KYNU: variants seen among roughly 807,000 people sequenced by gnomAD.
KYNU encodes the protein L-kynurenine hydrolase.
In KYNU, 54 loss-of-function variants were observed where a neutral mutation model predicts 59.2. The ratio of observed to expected loss-of-function variants is 0.91; its 90% CI spans 0.73 to 1.14. KYNU has a LOEUF of 1.14. Among genes scored for constraint, KYNU ranks in the 50% most tolerant of loss-of-function variants. The probability of loss-of-function intolerance (pLI) is 0.00; values close to 1 mark genes in which losing one functional copy is unlikely to be tolerated. For synonymous variants in KYNU, 177 were observed against 192.0 expected, an observed-to-expected ratio of 0.92 and a Z score of 0.65; for missense variants, 567 against 554.4, an observed-to-expected ratio of 1.02 and a Z score of -0.23.
chr2:142,946,842 A>G (rs1683800908), intron 4 of KYNU, among the ~76,000 whole-genome samples: 1 of 152,132 alleles, frequency 6.6e-6, no homozygotes, highest in South Asian at 2.1e-4. Flanking sequence ...CTTCCAATAG[A>G]GGACTCATTC....
At chr2:143,028,058 T>C (rs1686626131) in intron 10 of KYNU, among the ~76,000 whole-genome samples, 1 of 152,066 alleles carries the variant, frequency 6.6e-6, no homozygotes, top group African/African-American at 2.4e-5. Context: ...TTGGAATTTT[T>C]ATTTGGACAT....
intron 2 of KYNU, among the ~76,000 whole-genome samples, chr2:142,907,499 G>T (rs1344174385): frequency 6.6e-6 from 1 of 152,182 alleles, no homozygotes; most frequent in African/African-American, 2.4e-5. Context: ...GGTCTGCAAT[G>T]GTGGCAAATA....
chr2:143,022,614 G>T (rs1686441183), intron 10 of KYNU, among the ~76,000 whole-genome samples: 1 of 151,924 alleles, frequency 6.6e-6, no homozygotes, highest in Non-Finnish European at 1.5e-5. Context: ...AAAAAGTATT[G>T]ATAGAATTTC....
chr2:143,031,121 A>G (rs1225805215), intron 11 of KYNU, among the ~76,000 whole-genome samples: 1 of 152,194 alleles, frequency 6.6e-6, no homozygotes, highest in Non-Finnish European at 1.5e-5. Context: ...TGTAGCAACC[A>G]AATTGCAAAA....
At chr2:142,985,550 A>G (rs1223105617) in intron 9 of KYNU, among the ~76,000 whole-genome samples, 4 of 151,994 alleles carry the variant, frequency 2.6e-5, no homozygotes, top group Admixed American at 2.6e-4. Context: ...TAGAATTCAT[A>G]TTTGAAAACA....
chr2:142,969,329 T>C (rs914852543), intron 8 of KYNU, among the ~76,000 whole-genome samples: 7 of 152,212 alleles, frequency 4.6e-5, no homozygotes, highest in African/African-American at 1.7e-4. Context: ...TTTACACCTG[T>C]ATTTTGATGT....
chr2:142,939,602 C>CAAAAAAAAAAAAAAAAAAAAGAAAAAAAA (rs1683516240), intron 4 of KYNU, among the ~76,000 whole-genome samples: 1 of 65,106 alleles, frequency 1.5e-5, no homozygotes, highest in Non-Finnish European at 2.9e-5. Flanking sequence ...CTCCATCTCA[C>CAAAAAAAAAAAAAAAAAAAAGAAAAAAAA]AAAAAAAAAA....
intron 4 of KYNU, among the ~76,000 whole-genome samples, chr2:142,937,962 T>TA (rs1252700294): frequency 6.6e-6 from 1 of 152,248 alleles, no homozygotes; most frequent in Non-Finnish European, 1.5e-5. Flanking sequence ...ATCACCATCA[T>TA]AAATGTCCTT....
chr2:142,947,383 A>T, intron 4 of KYNU: 1 of 716,472 alleles, frequency 1.4e-6, no homozygotes, highest in South Asian at 2.2e-5. Flanking sequence ...CTTTTTAAAA[A>T]ATAGTTGAAG....
intron 12 of KYNU, among the ~76,000 whole-genome samples, chr2:143,037,510 A>G (rs1287091429): frequency 2.0e-5 from 3 of 152,206 alleles, no homozygotes; most frequent in Non-Finnish European, 2.9e-5. Flanking sequence ...GAAATGTACT[A>G]TACGTTTCCT....
At chr2:142,883,104 A>T (rs1343740289) in intron 1 of KYNU, among the ~76,000 whole-genome samples, 3 of 151,254 alleles carry the variant, frequency 2.0e-5, no homozygotes, top group Admixed American at 1.3e-4. Context: ...AATTTATATC[A>T]CATTACTTTT....
chr2:142,974,999 A>C (rs1447420860), intron 8 of KYNU, among the ~76,000 whole-genome samples: 1 of 152,150 alleles, frequency 6.6e-6, no homozygotes, highest in Non-Finnish European at 1.5e-5. Flanking sequence ...TAAAATTCTA[A>C]TGATAAAGTC....
intron 2 of KYNU, among the ~76,000 whole-genome samples, chr2:142,901,341 C>A (rs115998552): frequency 0.018 from 2,707 of 152,144 alleles, 66 homozygotes; most frequent in African/African-American, 0.063. Context: ...TGAGGTTCCC[C>A]GTTCTATTTC....
Position 143,042,056 on chromosome 2 carries a change from C to T in KYNU, c.1282C>T (p.Arg428Trp), listed in dbSNP as rs147475752. The T allele has an allele frequency of 2.9e-5, 46 of 1,611,356 alleles. No individual in the cohort carries two copies. The highest frequency in any genetic ancestry group is 1.3e-4 in the Admixed American group (8 of 59,780). Residue 428 changes from arginine to tryptophan, a missense_variant, in exon 14 of 14, where the codon CGG (arginine) becomes TGG (tryptophan). Transcript: ENST00000264170. ...TATTTTTTCCCCACAGTGTGACAAG[C>T]GGAATCCAAATGGCATTCGAGTGGC... ...LEKRGVVCDKRNPNGIRVAPV... is the reference protein window; with the variant it reads ...LEKRGVVCDKWNPNGIRVAPV...
chr2:142,992,315 G>A (rs1573879065), intron 10 of KYNU, among the ~76,000 whole-genome samples: 1 of 151,584 alleles, frequency 6.6e-6, no homozygotes, highest in East Asian at 1.9e-4. Context: ...TATCTTTAAG[G>A]TCATGCTGAG....
intron 11 of KYNU, among the ~76,000 whole-genome samples, chr2:143,032,298 A>C (rs1416083113): frequency 3.6e-5 from 3 of 84,466 alleles, no homozygotes; most frequent in African/African-American, 1.0e-4. Flanking sequence ...ACAAAAAAAA[A>C]AAACAAAACA....
intron 10 of KYNU, chr2:142,990,151 C>T (rs992879779): frequency 6.6e-6 from 1 of 151,754 alleles, no homozygotes; most frequent in Non-Finnish European, 1.5e-5. Context: ...ATGTCATATT[C>T]TAAACTCTGT....
At chr2:142,979,150 G>A (rs907465257) in intron 8 of KYNU, among the ~76,000 whole-genome samples, 1 of 152,086 alleles carries the variant, frequency 6.6e-6, no homozygotes, top group African/African-American at 2.4e-5. Context: ...AAACACACAC[G>A]ATATTTCTTG....
intron 3 of KYNU, among the ~76,000 whole-genome samples, chr2:142,922,591 C>G (rs1682920417): frequency 6.6e-6 from 1 of 152,166 alleles, no homozygotes; most frequent in Non-Finnish European, 1.5e-5. Context: ...GATGTCAAAT[C>G]TCTGTCTATC....
Sources: gnomAD v4.1 joint callset for allele counts (sites outside exome capture counted in the v4.1 genomes callset) on GRCh38, gnomAD v4.1.1 for gene constraint, MANE v1.5 for transcripts, NCBI Gene and HGNC (gene_info 2026-07-23, HGNC 2026-07-21) for gene names.